KHDC1: variants seen among roughly 807,000 people sequenced by gnomAD.
KHDC1 encodes the protein KH domain containing 1, also known as KH homology domain-containing protein 1.
In KHDC1, 21 loss-of-function variants were observed where a neutral mutation model predicts 24.7. The ratio of observed to expected loss-of-function variants is 0.85; its 90% CI spans 0.60 to 1.23. The LOEUF (loss-of-function observed/expected upper bound fraction) is 1.23, where lower values mean the gene tolerates loss of function less well. Ranked by LOEUF, KHDC1 falls within the 50% of genes most tolerant of loss-of-function variation. The pLI is 0.00. For missense variants in KHDC1, 274 were observed against 298.5 expected (o/e 0.92, Z 0.61); for synonymous variants, 98 against 111.7 (o/e 0.88, Z 0.77).
At chr6:73,258,317 C>T (rs1240322136) in intron 2 of KHDC1, among the ~76,000 whole-genome samples, 1 of 152,048 alleles carries the variant, frequency 6.6e-6, no homozygotes, top group African/African-American at 2.4e-5. Flanking sequence ...GTGGCACGCA[C>T]CTATAGTATC....
intron 2 of KHDC1, among the ~76,000 whole-genome samples, chr6:73,263,996 C>T (rs7740081): frequency 0.28 from 42,130 of 151,926 alleles, 6,484 homozygotes; most frequent in African/African-American, 0.41. Context: ...CCCAGGAGTT[C>T]GAAACCAGCT....
At chr6:73,251,695 C>T (rs944613324) in intron 2 of KHDC1, among the ~76,000 whole-genome samples, 17 of 152,038 alleles carry the variant, frequency 1.1e-4, no homozygotes, top group Non-Finnish European at 1.9e-4. Flanking sequence ...ACCATAGATT[C>T]AGCCATTTTG....
At chr6:73,291,678 T>C (rs1318618909) in intron 2 of KHDC1, among the ~76,000 whole-genome samples, 3 of 151,906 alleles carry the variant, frequency 2.0e-5, no homozygotes, top group African/African-American at 7.3e-5. Flanking sequence ...TGCTAAAGGG[T>C]CCCAAGATCA....
intron 2 of KHDC1, among the ~76,000 whole-genome samples, chr6:73,264,539 C>G (rs1458542209): frequency 6.6e-6 from 1 of 152,146 alleles, no homozygotes; most frequent in African/African-American, 2.4e-5. Flanking sequence ...AGGTAGAGTC[C>G]TGAAGGTTTA....
At chr6:73,271,069 A>T (rs1331245207) in intron 2 of KHDC1, among the ~76,000 whole-genome samples, 1 of 152,202 alleles carries the variant, frequency 6.6e-6, no homozygotes, top group African/African-American at 2.4e-5. Context: ...TCAGACTGCA[A>T]GTTGTCACCC....
intron 2 of KHDC1, among the ~76,000 whole-genome samples, chr6:73,251,796 T>C (rs944498755): frequency 6.7e-6 from 1 of 150,082 alleles, no homozygotes; most frequent in Non-Finnish European, 1.5e-5. Flanking sequence ...TTTCTTTTCT[T>C]TTCTTTTTTT....
intron 2 of KHDC1, among the ~76,000 whole-genome samples, chr6:73,286,224 G>T (rs893696688): frequency 1.3e-5 from 2 of 151,348 alleles, no homozygotes; most frequent in African/African-American, 4.8e-5. Flanking sequence ...ACTCGTTTGT[G>T]TGGGGTTTTT....
At chr6:73,266,616 C>A (rs1767081456) in intron 2 of KHDC1, among the ~76,000 whole-genome samples, 1 of 152,138 alleles carries the variant, frequency 6.6e-6, no homozygotes, top group Admixed American at 6.6e-5. Context: ...ATACCAGATA[C>A]AGAACTTAAA....
intron 2 of KHDC1, chr6:73,290,979 A>G: frequency 2.8e-6 from 1 of 354,010 alleles, no homozygotes; most frequent in Non-Finnish European, 5.6e-6. Context: ...ACCATCTCCC[A>G]TGATCATGCC....
rs182635367 is a variant in KHDC1, at chr6:73,296,287, T to C, written c.164-4247A>G. Among the ~76,000 whole-genome samples the C allele has an allele frequency of 5.9e-5, 9 of 151,792 alleles. No individual in the cohort carries two copies. The East Asian group carries it at 1.7e-3, about 29-fold the overall frequency. On this transcript the variant is annotated intron_variant, in intron 1 of 4. Transcript: ENST00000370384. ...CTGGGCAACATGGCAATACCCTGTC[T>C]CCTCTAAAAATATAAAAATTAGCCA...
At chr6:73,295,664 G>T (rs1767745368) in intron 1 of KHDC1, among the ~76,000 whole-genome samples, 1 of 151,804 alleles carries the variant, frequency 6.6e-6, no homozygotes, top group African/African-American at 2.4e-5. Context: ...TGGCTAACAT[G>T]GTGAAACCCC....
intron 2 of KHDC1, among the ~76,000 whole-genome samples, chr6:73,247,882 A>C (rs1306040398): frequency 6.7e-6 from 1 of 149,672 alleles, no homozygotes; most frequent in African/African-American, 2.5e-5. Context: ...AAAGAGAGAG[A>C]GAATCAAGTG....
chr6:73,259,091 T>G (rs780780085), intron 2 of KHDC1, among the ~76,000 whole-genome samples: 11 of 152,138 alleles, frequency 7.2e-5, no homozygotes, highest in Admixed American at 1.3e-4. Context: ...TTCTTCCTAC[T>G]CACCACCAGG....
intron 2 of KHDC1, among the ~76,000 whole-genome samples, chr6:73,272,565 C>T (rs537635312): frequency 3.4e-4 from 52 of 152,054 alleles, no homozygotes; most frequent in African/African-American, 1.1e-3. Flanking sequence ...CACTTCAGAT[C>T]GGAGTTCCAG....
chr6:73,243,890 C>T (rs1766619440), intron 2 of KHDC1, among the ~76,000 whole-genome samples: 1 of 152,170 alleles, frequency 6.6e-6, no homozygotes, highest in African/African-American at 2.4e-5. Context: ...GCTGGACCTC[C>T]AGAAAAGAAA....
intron 2 of KHDC1, among the ~76,000 whole-genome samples, chr6:73,256,029 C>T (rs907045043): frequency 6.6e-6 from 1 of 151,912 alleles, no homozygotes; most frequent in Non-Finnish European, 1.5e-5. Context: ...GTACCTTAGA[C>T]AATCATGAGA....
chr6:73,295,028 C>T (rs1041106964), intron 1 of KHDC1, among the ~76,000 whole-genome samples: 4 of 152,098 alleles, frequency 2.6e-5, no homozygotes, highest in Non-Finnish European at 4.4e-5. Flanking sequence ...GTGGCACACA[C>T]CTGTGGTCCC....
chr6:73,288,803 CAAAAAAAAAAA>C (rs33926109), intron 2 of KHDC1, among the ~76,000 whole-genome samples: 1,566 of 78,616 alleles, frequency 0.02, 36 homozygotes, highest in African/African-American at 0.063. Context: ...ACCCCCATCT[CAAAAAAAAAAA>C]AAAAAAAAAA....
chr6:73,255,520 C>CTT (rs753024090), intron 2 of KHDC1, among the ~76,000 whole-genome samples: 1 of 131,740 alleles, frequency 7.6e-6, no homozygotes, highest in Admixed American at 7.7e-5. Flanking sequence ...CCACACCTGG[C>CTT]TTTTTTTTTT....
Sources: gnomAD v4.1 joint callset for allele counts (sites outside exome capture counted in the v4.1 genomes callset) on GRCh38, gnomAD v4.1.1 for gene constraint, MANE v1.5 for transcripts, NCBI Gene and HGNC (gene_info 2026-07-23, HGNC 2026-07-21) for gene names.